RAD51B: variants seen among roughly 807,000 people sequenced by gnomAD.
RAD51B encodes RAD51 paralog B, also known as DNA repair protein RAD51 homolog 2.
Under a neutral mutation model 42.2 loss-of-function variants are expected in RAD51B, and 38 were observed. The observed-to-expected ratio is 0.90, with a 90% CI of 0.70 to 1.18. The LOEUF is 1.18. Ranked by LOEUF, RAD51B falls within the 50% of genes most tolerant of loss-of-function variation. The pLI, the probability that RAD51B is intolerant of heterozygous loss-of-function variation, is 0.00. For synonymous variants in RAD51B, 154 were observed against 145.2 expected, an observed-to-expected ratio of 1.06 and a Z score of -0.43; for missense variants, 373 against 400.7, an observed-to-expected ratio of 0.93 and a Z score of 0.59.
In RAD51B at chr14:67,996,635, G is replaced by C. The variant is rs11848769; in HGVS notation, c.756+109431G>C. ...TAGATCTGAAGTGGAGAGAGCAGGAGGAAGAGCCATGGGAAATGAGGTCTT... is the reference window on the plus strand; with the variant it reads ...TAGATCTGAAGTGGAGAGAGCAGGACGAAGAGCCATGGGAAATGAGGTCTT... On this transcript the variant is annotated intron_variant, in intron 7 of 10. Transcript: ENST00000471583. Among the ~76,000 whole-genome samples the C allele has an allele frequency of 6.6e-5, 10 of 152,084 alleles. No individual in the cohort carries two copies. The East Asian group carries it at 1.9e-3, about 29-fold the overall frequency.
At chr14:68,516,764 A>G (rs545452879) in intron 10 of RAD51B, among the ~76,000 whole-genome samples, 1 of 152,316 alleles carries the variant, frequency 6.6e-6, no homozygotes, top group Admixed American at 6.5e-5. Flanking sequence ...CATTTGGAAA[A>G]TATTGCTTCA....
At chr14:68,099,583 T>C (rs2077254409) in intron 7 of RAD51B, among the ~76,000 whole-genome samples, 1 of 152,188 alleles carries the variant, frequency 6.6e-6, no homozygotes, top group African/African-American at 2.4e-5. Flanking sequence ...AAATTTTATG[T>C]TTAAGTAAGC....
intron 9 of RAD51B, among the ~76,000 whole-genome samples, chr14:68,413,613 G>C (rs932838300): frequency 2.6e-5 from 4 of 152,152 alleles, no homozygotes; most frequent in African/African-American, 9.7e-5. Flanking sequence ...CTAATAACTA[G>C]AATAAAGTTT....
chr14:68,279,311 T>G (rs1232260890), intron 7 of RAD51B, among the ~76,000 whole-genome samples: 1 of 152,266 alleles, frequency 6.6e-6, no homozygotes, highest in East Asian at 1.9e-4. Context: ...GTGATGCCTT[T>G]CCAGGCCTTG....
At chr14:67,901,206 A>G (rs2043601263) in intron 7 of RAD51B, among the ~76,000 whole-genome samples, 1 of 152,222 alleles carries the variant, frequency 6.6e-6, no homozygotes, top group Admixed American at 6.5e-5. Flanking sequence ...GGTTGACTCC[A>G]TCTTAGTTAT....
chr14:67,833,312 G>T (rs1483762534), intron 3 of RAD51B, among the ~76,000 whole-genome samples: 1 of 152,192 alleles, frequency 6.6e-6, no homozygotes, highest in Non-Finnish European at 1.5e-5. Context: ...GGAAGTGGAG[G>T]TTGTAGTGAG....
chr14:68,331,092 G>T (rs932985222), intron 8 of RAD51B, among the ~76,000 whole-genome samples: 3 of 151,988 alleles, frequency 2.0e-5, no homozygotes, highest in African/African-American at 4.8e-5. Context: ...GGCCGGGCGC[G>T]GTGGCTCACG....
In RAD51B at chr14:68,452,330, C is replaced by T. The variant is rs563650249; in HGVS notation, c.958-15842C>T. On this transcript the variant is annotated intron_variant, in intron 9 of 10. Transcript: ENST00000471583. ...TTCAGATGATGATGAAACCAGTTCA[C>T]ACTTATTTGAAAATTGAAATTGGTG... Among the ~76,000 whole-genome samples the T allele has an allele frequency of 6.6e-5, 10 of 152,212 alleles. 1 individual carries two copies. Among genetic ancestry groups the T allele is most frequent in the African/African-American group, 2.4e-4 (10 of 41,514 alleles).
chr14:67,989,773 T>C (rs1415909268), intron 7 of RAD51B, among the ~76,000 whole-genome samples: 1 of 152,104 alleles, frequency 6.6e-6, no homozygotes, highest in Non-Finnish European at 1.5e-5. Context: ...TCCTTTATTA[T>C]GCCAGTACCT....
At chr14:68,011,762 A>G (rs961774336) in intron 7 of RAD51B, among the ~76,000 whole-genome samples, 5 of 152,128 alleles carry the variant, frequency 3.3e-5, no homozygotes, top group African/African-American at 1.2e-4. Flanking sequence ...ACCTGTTAAC[A>G]GCTGTAAATT....
rs1282576720 is a variant in RAD51B at position 68,673,486 on chromosome 14, C to CACATACTGTACACACATGT, written c.*11+22632_*11+22650dup. Among the ~76,000 whole-genome samples the CACATACTGTACACACATGT allele has an allele frequency of 4.0e-5, 6 of 150,822 alleles. No homozygotes were observed. The East Asian group carries it at 9.7e-4, about 24-fold the overall frequency. On this transcript the variant is annotated intron_variant, in intron 11 of 11. Coordinates refer to the RAD51B transcript ENST00000488612. ...ACACATATATACATGTACACACATG[C>CACATACTGTACACACATGT]ACATACTGTACACACATGTATGTAC...
At chr14:68,316,705 C>T (rs552113311) in intron 8 of RAD51B, among the ~76,000 whole-genome samples, 69 of 152,236 alleles carry the variant, frequency 4.5e-4, no homozygotes, top group Middle Eastern at 3.4e-3. Context: ...CCAGAGTGGA[C>T]GCACCTCTTG....
chr14:68,335,784 G>A (rs2082443523), intron 8 of RAD51B, among the ~76,000 whole-genome samples: 1 of 152,208 alleles, frequency 6.6e-6, no homozygotes, highest in South Asian at 2.1e-4. Flanking sequence ...CTAGTAACAA[G>A]AGCAGAAAGT....
At chr14:68,379,333 C>G (rs1157556819) in intron 8 of RAD51B, among the ~76,000 whole-genome samples, 1 of 152,164 alleles carries the variant, frequency 6.6e-6, no homozygotes, top group Admixed American at 6.5e-5. Flanking sequence ...AACATTTTTT[C>G]AGATTCCAAG....
intron 8 of RAD51B, among the ~76,000 whole-genome samples, chr14:68,369,288 G>A (rs1033763507): frequency 6.6e-6 from 1 of 152,232 alleles, no homozygotes; most frequent in Non-Finnish European, 1.5e-5. Context: ...AACCCATTTA[G>A]GAAACCACCA....
intron 7 of RAD51B, among the ~76,000 whole-genome samples, chr14:68,257,138 A>G (rs1162896554): frequency 4.6e-5 from 7 of 152,224 alleles, no homozygotes; most frequent in Non-Finnish European, 7.3e-5. Context: ...TTATATGGGT[A>G]TCTGGAATAG....
Position 68,232,762 on chromosome 14 carries a change from A to G in RAD51B, c.757-59122A>G, listed in dbSNP as rs113958014. ...CAGCCAAATGTTTTCAACCATGGAAATCCCCTAACTTTCCAACTGCTGCAG... is the reference window on the plus strand; with the variant it reads ...CAGCCAAATGTTTTCAACCATGGAAGTCCCCTAACTTTCCAACTGCTGCAG... On this transcript the variant is annotated intron_variant, in intron 7 of 10. Coordinates refer to ENST00000471583, the MANE Select transcript of RAD51B (RefSeq NM_133510.4). Among the ~76,000 whole-genome samples, 225 of 152,334 alleles carry G rather than the reference A, an allele frequency of 1.5e-3. 1 individual carries two copies. The highest frequency in any genetic ancestry group is 5.1e-3 in the Admixed American group (78 of 15,302).
intron 7 of RAD51B, among the ~76,000 whole-genome samples, chr14:67,894,445 A>G (rs1024468072): frequency 1.3e-5 from 2 of 152,058 alleles, no homozygotes; most frequent in African/African-American, 2.4e-5. Flanking sequence ...TTTCGATTCC[A>G]CCTACAGCAC....
chr14:67,966,221 A>G (rs1384460682), intron 7 of RAD51B, among the ~76,000 whole-genome samples: 1 of 152,174 alleles, frequency 6.6e-6, no homozygotes, highest in Non-Finnish European at 1.5e-5. Flanking sequence ...CAGGACCACG[A>G]GCCTTCACAC....
Sources: gnomAD v4.1 joint callset for allele counts (sites outside exome capture counted in the v4.1 genomes callset) on GRCh38, gnomAD v4.1.1 for gene constraint, MANE v1.5 for transcripts, NCBI Gene and HGNC (gene_info 2026-07-23, HGNC 2026-07-21) for gene names.